The following TLN2 variants were observed in gnomAD, a reference collection of about 807,000 sequenced individuals.
TLN2 encodes the protein talin 2, also known as talin-2.
Under a neutral mutation model 294.7 loss-of-function variants are expected in TLN2, and 118 were observed. That is an observed-to-expected ratio of 0.40 (90% CI 0.34 to 0.47). The LOEUF is 0.47. TLN2 is among the 20% of genes least tolerant of loss of function. The pLI is 0.84. For missense variants in TLN2, 3,083 were observed against 3,282.2 expected, an observed-to-expected ratio of 0.94 and a Z score of 1.48; for synonymous variants, 1,431 against 1,304.5, an observed-to-expected ratio of 1.10 and a Z score of -2.09.
intron 1 of TLN2, among the ~76,000 whole-genome samples, chr15:62,491,349 TATACACACACACACACACACACACACAC>T (rs2038709248): frequency 1.2e-5 from 1 of 84,588 alleles, no homozygotes; most frequent in African/African-American, 6.1e-5. Context: ...TATATATATA[TATACACACACACACACACACACACACAC>T]ACACACACAC....
intron 1 of TLN2, among the ~76,000 whole-genome samples, chr15:62,449,616 T>TA (rs1395167871): frequency 6.6e-6 from 1 of 151,548 alleles, no homozygotes; most frequent in Non-Finnish European, 1.5e-5. Context: ...GCCCAGGAGT[T>TA]AAAAAAATAA....
intron 12 of TLN2, among the ~76,000 whole-genome samples, chr15:62,688,106 T>G (rs2141047419): frequency 6.6e-6 from 1 of 152,336 alleles, no homozygotes; most frequent in South Asian, 2.1e-4. Flanking sequence ...CTATTGGTCT[T>G]TTTAAACTAG....
rs549448479 is a variant in TLN2 at position 62,582,142 on chromosome 15, A to G, written c.-237-7545A>G. ...GCTTAAGCTGGTACCTTGAAGTCCCAGGGAGAATGATCATAGAATCAGCCA... is the reference window on the plus strand; with the variant it reads ...GCTTAAGCTGGTACCTTGAAGTCCCGGGGAGAATGATCATAGAATCAGCCA... On this transcript the variant is annotated intron_variant, in intron 1 of 58. Coordinates refer to ENST00000636159, the MANE Select transcript of TLN2 (RefSeq NM_015059.3). Among the ~76,000 whole-genome samples, 12 of 150,188 alleles carry G rather than the reference A, an allele frequency of 8.0e-5. No homozygotes were observed. In the South Asian group the frequency reaches 2.6e-3, roughly 32 times the overall value.
chr15:62,457,951 A>G (rs534534577), intron 1 of TLN2, among the ~76,000 whole-genome samples: 1 of 152,246 alleles, frequency 6.6e-6, no homozygotes, highest in Admixed American at 6.5e-5. Context: ...ATGTTTTGGA[A>G]GTTTGGGATG....
intron 1 of TLN2, among the ~76,000 whole-genome samples, chr15:62,492,424 T>A (rs905749919): frequency 6.6e-6 from 1 of 151,926 alleles, no homozygotes; most frequent in African/African-American, 2.4e-5. Context: ...CTGGGCGTGG[T>A]TGGGAGTGCC....
intron 26 of TLN2, 51 bp from the exon 27 acceptor site, chr15:62,724,925 G>A (rs749903121): frequency 6.4e-7 from 1 of 1,564,720 alleles, no homozygotes; most frequent in Non-Finnish European, 8.7e-7. Flanking sequence ...AAGTGTTGGG[G>A]ACACTTTTCC....
intron 32 of TLN2, among the ~76,000 whole-genome samples, chr15:62,741,868 G>A (rs541239835): frequency 3.3e-5 from 5 of 150,910 alleles, no homozygotes; most frequent in South Asian, 4.2e-4. Flanking sequence ...TAACTCAGTC[G>A]CATTGGTCAG....
At chr15:62,587,731 TTA>T (rs1286661499) in intron 1 of TLN2, among the ~76,000 whole-genome samples, 2 of 152,210 alleles carry the variant, frequency 1.3e-5, no homozygotes, top group Non-Finnish European at 2.9e-5. Flanking sequence ...GCATGCCATC[TTA>T]TATGCTGACA....
intron 12 of TLN2, among the ~76,000 whole-genome samples, chr15:62,689,052 CTTTA>C (rs1787053979): frequency 7.1e-6 from 1 of 139,964 alleles, no homozygotes; most frequent in African/African-American, 2.6e-5. Flanking sequence ...TGTTTGTCCA[CTTTA>C]TTTCTCTCTC....
chr15:62,549,972 T>A (rs1028493952), intron 1 of TLN2, among the ~76,000 whole-genome samples: 3 of 151,838 alleles, frequency 2.0e-5, no homozygotes, highest in Admixed American at 2.0e-4. Flanking sequence ...CTGGGCAACA[T>A]ACTTTAATCT....
intron 1 of TLN2, among the ~76,000 whole-genome samples, chr15:62,445,453 C>T (rs998515786): frequency 6.6e-6 from 1 of 152,138 alleles, no homozygotes; most frequent in African/African-American, 2.4e-5. Context: ...AACAGTGACT[C>T]ACATGCATAA....
At chr15:62,401,427 G>T (rs1293316100) in intron 1 of TLN2, among the ~76,000 whole-genome samples, 2 of 152,190 alleles carry the variant, frequency 1.3e-5, no homozygotes, top group African/African-American at 4.8e-5. Flanking sequence ...GGTAGTGATA[G>T]TGGAGTGCAG....
rs2037887374 is a variant in TLN2 at position 62,478,153 on chromosome 15, G to A, written c.-238+87468G>A. ...AGCCCAGGAGGCAGGTGCAGCCTCTGATTTACAGAGGACAGGACTGAAGGA... is the reference window on the plus strand; with the variant it reads ...AGCCCAGGAGGCAGGTGCAGCCTCTAATTTACAGAGGACAGGACTGAAGGA... On this transcript the variant is annotated intron_variant, in intron 1 of 58. Transcript: ENST00000636159. Among the ~76,000 whole-genome samples the A allele has an allele frequency of 2.6e-5, 4 of 152,264 alleles. No homozygotes were observed. The South Asian group carries it at 8.3e-4, about 32-fold the overall frequency.
chr15:62,841,233 T>C lies in TLN2; in HGVS notation c.*623T>C, dbSNP rs994178783. The C allele has an allele frequency of 2.6e-5, 4 of 152,726 alleles. No individual in the cohort carries two copies. Among genetic ancestry groups the C allele is most frequent in the African/African-American group, 7.2e-5 (3 of 41,462 alleles). The allele number at this position is 152,726 out of a possible 1,614,324, so 9.5% of individuals were successfully genotyped here. On this transcript the variant is annotated 3_prime_UTR_variant, in exon 59 of 59. Coordinates refer to ENST00000636159, the MANE Select transcript of TLN2 (RefSeq NM_015059.3). ...GTACAACCCAGACCCATCTTGTATT[T>C]TGTGGCCCAGAAAACTGAACGATTA...
chr15:62,566,794 C>T (rs2043437701), intron 1 of TLN2, among the ~76,000 whole-genome samples: 1 of 151,932 alleles, frequency 6.6e-6, no homozygotes, highest in South Asian at 2.1e-4. Context: ...TGGGCACAGT[C>T]TTCCTGCCCC....
chr15:62,840,225 G>A (rs1332053198), intron 58 of TLN2, among the ~76,000 whole-genome samples: 1 of 152,182 alleles, frequency 6.6e-6, no homozygotes, highest in African/African-American at 2.4e-5. Flanking sequence ...ACCAGAGCCT[G>A]GTACATAGTA....
chr15:62,590,045 T>C (rs555827288), intron 2 of TLN2, among the ~76,000 whole-genome samples: 1 of 152,238 alleles, frequency 6.6e-6, no homozygotes, highest in South Asian at 2.1e-4. Flanking sequence ...TATTGGACCT[T>C]ATAGTGTGAA....
chr15:62,816,093 G>A (rs191828288), intron 52 of TLN2, among the ~76,000 whole-genome samples: 47 of 152,296 alleles, frequency 3.1e-4, no homozygotes, highest in African/African-American at 1.1e-3. Flanking sequence ...GAACCTTTTG[G>A]TATTTAGAGA....
chr15:62,467,115 G>A (rs947346909), intron 1 of TLN2, among the ~76,000 whole-genome samples: 1 of 152,224 alleles, frequency 6.6e-6, no homozygotes, highest in Non-Finnish European at 1.5e-5. Flanking sequence ...CGGAATGGCT[G>A]TGGGTGCCTG....
Sources: allele counts gnomAD v4.1 joint callset (sites outside exome capture counted in the v4.1 genomes callset), GRCh38; gene constraint gnomAD v4.1.1; transcripts MANE v1.5; gene names NCBI Gene and HGNC (gene_info 2026-07-23, HGNC 2026-07-21).